Variants in KCNQ1 observed in about 807,000 individuals in gnomAD.
The protein encoded by KCNQ1 is potassium voltage-gated channel subfamily KQT member 1.
Under a neutral mutation model 72.4 loss-of-function variants are expected in KCNQ1, and 49 were observed. That is an observed-to-expected ratio of 0.68 (90% CI 0.54 to 0.86). KCNQ1 has a LOEUF of 0.86. Ranked by LOEUF, KCNQ1 falls within the 40% of genes least tolerant of loss-of-function variation. The pLI is 0.00. For missense variants in KCNQ1, 790 were observed against 945.1 expected, an observed-to-expected ratio of 0.84 and a Z score of 2.15; for synonymous variants, 450 against 412.6, an observed-to-expected ratio of 1.09 and a Z score of -1.10.
rs139791590 is a variant in KCNQ1, at chr11:2,782,621, C to T, written c.1794+4584C>T. Among the ~76,000 whole-genome samples, 1 of 152,158 alleles carries T rather than the reference C, an allele frequency of 6.6e-6. No homozygotes were observed. The highest frequency in any genetic ancestry group is 6.5e-5 in the Admixed American group (1 of 15,274). On this transcript the variant is annotated intron_variant, in intron 15 of 15. Transcript: ENST00000155840. This position sits in a 1 kb window ranked among gnomAD's most constrained non-coding sequence, Gnocchi z 6.1. ...ATTCATCATTCCTGATTCAATCGCT[C>T]TAATAATTATGGACTGTTCAGGTTT...
chr11:2,772,124 G>A lies in KCNQ1; in HGVS notation c.1590+3205G>A, dbSNP rs967619942. On this transcript the variant is annotated intron_variant, in intron 12 of 15. Coordinates refer to ENST00000155840, the MANE Select transcript of KCNQ1 (RefSeq NM_000218.3). This position sits in a 1 kb window ranked among gnomAD's most constrained non-coding sequence, Gnocchi z 6.6. ...TGGAGGGGTGGGGCCAGGGTGAGGG[G>A]AGCAGTAGCCCGTGGCAGTGAGGAG... Among the ~76,000 whole-genome samples the A allele has an allele frequency of 2.0e-5, 3 of 152,178 alleles. No individual in the cohort carries two copies. The highest frequency in any genetic ancestry group is 7.2e-5 in the African/African-American group (3 of 41,454).
rs944037418 is a variant in KCNQ1 at position 2,516,051 on chromosome 11, C to T, written c.387-11877C>T. ...ATCCGCCCACGCCCAGGCCAGGGCT[C>T]CTGCTGGAATCTCCCTGTGGAAGGC... On this transcript the variant is annotated intron_variant, in intron 1 of 15. Transcript: ENST00000155840. The surrounding 1 kb of genome is among the most constrained non-coding windows in gnomAD (Gnocchi z 7.0). Among the ~76,000 whole-genome samples the T allele has an allele frequency of 2.0e-5, 3 of 152,104 alleles. No individual in the cohort carries two copies. The highest frequency in any genetic ancestry group is 7.2e-5 in the African/African-American group (3 of 41,424).
intron 1 of KCNQ1, among the ~76,000 whole-genome samples, chr11:2,504,306 A>C (rs1174726964): frequency 6.6e-6 from 1 of 152,144 alleles, no homozygotes; most frequent in Non-Finnish European, 1.5e-5. Flanking sequence ...ATAGAGTAAA[A>C]GGATGGTTAC....
chr11:2,776,322 G>A (rs1456249330), intron 13 of KCNQ1, among the ~76,000 whole-genome samples: 1 of 152,050 alleles, frequency 6.6e-6, no homozygotes, highest in African/African-American at 2.4e-5. Flanking sequence ...AGGCGCGTAG[G>A]GGAGGCAAAC....
chr11:2,673,370 G>A lies in KCNQ1; in HGVS notation c.1514+11289G>A, dbSNP rs1022714148. On this transcript the variant is annotated intron_variant, in intron 11 of 15. Transcript: ENST00000155840. The surrounding 1 kb of genome is among the most constrained non-coding windows in gnomAD (Gnocchi z 4.5). Reference sequence around the variant, plus strand: ...TTAGCAAACAAAGGGAAGTGACAGAGCAGAGCTCCCCTTGGCCTTTGTTTA... The same window carrying A: ...TTAGCAAACAAAGGGAAGTGACAGAACAGAGCTCCCCTTGGCCTTTGTTTA... The A allele has an allele frequency of 2.5e-6, 1 of 398,590 alleles. No homozygotes were observed. The highest frequency in any genetic ancestry group is 4.4e-5 in the Admixed American group (1 of 22,724). The allele number at this position is 398,590 out of a possible 1,614,324, so 24.7% of individuals were successfully genotyped here.
chr11:2,614,773 C>A (rs574270548), intron 10 of KCNQ1: 1 of 398,388 alleles, frequency 2.5e-6, no homozygotes, highest in African/African-American at 2.1e-5. Context: ...TGTGTCAGTA[C>A]CACATTGTTT....
chr11:2,761,189 G>A (rs1469179854), intron 11 of KCNQ1, among the ~76,000 whole-genome samples: 1 of 152,168 alleles, frequency 6.6e-6, no homozygotes, highest in South Asian at 2.1e-4. Flanking sequence ...GGCATCAGGC[G>A]GCTCAGCAGC....
At chr11:2,806,665 G>C (rs1345946797) in intron 15 of KCNQ1, among the ~76,000 whole-genome samples, 1 of 152,188 alleles carries the variant, frequency 6.6e-6, no homozygotes, top group Non-Finnish European at 1.5e-5. Flanking sequence ...CACCTGTCCT[G>C]GGGGATCCCC....
chr11:2,458,633 CTGGATGGATGGATGGATGGATGGA>C lies in KCNQ1; in HGVS notation c.386+13179_386+13202del, dbSNP rs36157752. ...GCTCCCATCCACAATGCTTCCTTGCCTGGATGGATGGATGGATGGATGGATGGATGGATGGATGGATGGATGGAT... is the reference window on the plus strand; with the variant it reads ...GCTCCCATCCACAATGCTTCCTTGCCTGGATGGATGGATGGATGGATGGAT... On this transcript the variant is annotated intron_variant, in intron 1 of 15. Coordinates refer to ENST00000155840, the MANE Select transcript of KCNQ1 (RefSeq NM_000218.3). The surrounding 1 kb of genome is among the most constrained non-coding windows in gnomAD (Gnocchi z 4.6). 2.5e-3 allele frequency among the ~76,000 whole-genome samples: 373 copies of C among 149,938 alleles called. 3 individuals are homozygous for C. Among genetic ancestry groups the C allele is most frequent in the Admixed American group, 0.013 (203 of 15,056 alleles).
At chr11:2,730,262 G>A (rs1845832025) in intron 11 of KCNQ1, among the ~76,000 whole-genome samples, 1 of 152,228 alleles carries the variant, frequency 6.6e-6, no homozygotes, top group Non-Finnish European at 1.5e-5. Flanking sequence ...ACTGTTTTGA[G>A]AGGGACCATT....
intron 15 of KCNQ1, among the ~76,000 whole-genome samples, chr11:2,797,367 G>A (rs1400087424): frequency 1.3e-5 from 2 of 152,234 alleles, no homozygotes; most frequent in Non-Finnish European, 2.9e-5. Flanking sequence ...GGCAGCCAGA[G>A]GTGTGCCTGA....
chr11:2,675,661 C>T (rs1445522626), intron 11 of KCNQ1: 2 of 398,554 alleles, frequency 5.0e-6, no homozygotes, highest in South Asian at 1.3e-4. Flanking sequence ...AGGAGCCCGC[C>T]CAGGGCCTGC....
rs181044794 is a variant in KCNQ1 at position 2,519,784 on chromosome 11, C to A, written c.387-8144C>A. Among the ~76,000 whole-genome samples, 25 of 26,302 alleles carry A rather than the reference C, an allele frequency of 9.5e-4. No individual in the cohort carries two copies. In the East Asian group the frequency reaches 0.014, roughly 15 times the overall value. 17.3% of individuals were successfully genotyped at this position (26,302 alleles called of 152,430 possible). On this transcript the variant is annotated intron_variant, in intron 1 of 15. Coordinates refer to ENST00000155840, the MANE Select transcript of KCNQ1 (RefSeq NM_000218.3). ...TACAGCAGGTGTTGGCCCCCCCCCACAACATTGGTTTCCATCCCTGGAAGC... is the reference window on the plus strand; with the variant it reads ...TACAGCAGGTGTTGGCCCCCCCCCAAAACATTGGTTTCCATCCCTGGAAGC...
intron 11 of KCNQ1, among the ~76,000 whole-genome samples, chr11:2,727,653 T>G (rs1698766186): frequency 6.6e-6 from 1 of 152,078 alleles, no homozygotes; most frequent in African/African-American, 2.4e-5. Flanking sequence ...CTAGACCCAA[T>G]CTGAAGCCCT....
chr11:2,690,534 G>GC lies in KCNQ1; in HGVS notation c.1514+28455dup, dbSNP rs1850571488. On this transcript the variant is annotated intron_variant, in intron 11 of 15. Coordinates refer to ENST00000155840, the MANE Select transcript of KCNQ1 (RefSeq NM_000218.3). This position sits in a 1 kb window ranked among gnomAD's most constrained non-coding sequence, Gnocchi z 5.1. ...CCTATCACAAAGAAAGTGCCACTGG[G>GC]CCTAGGGAAGGACAAGAAGTAACAT... 1 of 398,590 alleles carries GC rather than the reference G, an allele frequency of 2.5e-6. No individual in the cohort carries two copies. The highest frequency in any genetic ancestry group is 4.4e-6 in the Non-Finnish European group (1 of 226,112). The allele number at this position is 398,590 out of a possible 1,614,324, so 24.7% of individuals were successfully genotyped here. A position where few individuals can be genotyped will look rare whatever the true frequency, so the allele number is the denominator to read the frequency against.
chr11:2,643,517 A>G (rs1038948339), intron 10 of KCNQ1: 3 of 398,350 alleles, frequency 7.5e-6, no homozygotes, highest in African/African-American at 6.2e-5. Context: ...ATCTTTTCCC[A>G]TTCCTTTCTT....
intron 15 of KCNQ1, among the ~76,000 whole-genome samples, chr11:2,840,944 C>A (rs1333008249): frequency 3.9e-5 from 6 of 152,172 alleles, no homozygotes; most frequent in African/African-American, 1.4e-4. Flanking sequence ...CAACTCTACC[C>A]TCCATGTATT....
At position 2,661,437 on chromosome 11, in the gene KCNQ1, T is replaced by G; in HGVS notation, c.1394-524T>G. On this transcript the variant is annotated intron_variant, in intron 10 of 15. Transcript: ENST00000155840. The surrounding 1 kb of genome is among the most constrained non-coding windows in gnomAD (Gnocchi z 5.9). ...TCATTGGGGGTACAACTGGTTGATG[T>G]AGCATCGTGTTTTGAGGAAGGAGTT... The G allele has an allele frequency of 2.3e-6, 1 of 436,836 alleles. No individual in the cohort carries two copies. Among genetic ancestry groups the G allele is most frequent in the Non-Finnish European group, 4.0e-6 (1 of 248,450 alleles). 27.1% of individuals were successfully genotyped at this position (436,836 alleles called of 1,614,324 possible).
In KCNQ1 at chr11:2,598,512, G is replaced by A. The variant is rs1454059514; in HGVS notation, c.1393+9658G>A. ...ATCTTCTGTATTTGTATAACACAAA[G>A]TTTTATTTGTATACATGGACAGACA... is the stretch of plus-strand genomic sequence containing the variant. On this transcript the variant is annotated intron_variant, in intron 10 of 15. Transcript: ENST00000155840. This position sits in a 1 kb window ranked among gnomAD's most constrained non-coding sequence, Gnocchi z 6.2. 1.3e-5 allele frequency among the ~76,000 whole-genome samples: 2 copies of A among 150,296 alleles called. No individual in the cohort carries two copies. Among genetic ancestry groups the A allele is most frequent in the African/African-American group, 4.9e-5 (2 of 40,514 alleles).
Sources: allele counts gnomAD v4.1 joint callset (sites outside exome capture counted in the v4.1 genomes callset), GRCh38; gene constraint gnomAD v4.1.1; non-coding constraint Gnocchi (gnomAD v3.1); transcripts MANE v1.5; gene names NCBI Gene and HGNC (gene_info 2026-07-23, HGNC 2026-07-21).